The following SGSM1 variants were observed in gnomAD, a reference collection of about 807,000 sequenced individuals.
SGSM1 encodes small G protein signaling modulator 1.
In SGSM1, 73 loss-of-function variants were observed where a neutral mutation model predicts 133.8. The ratio of observed to expected loss-of-function variants is 0.55; its 90% CI spans 0.45 to 0.66. The LOEUF is 0.66. Ranked by LOEUF, SGSM1 falls within the 30% of genes least tolerant of loss-of-function variation. The probability of loss-of-function intolerance (pLI) is 0.00; values close to 1 mark genes in which losing one functional copy is unlikely to be tolerated. For missense variants in SGSM1, 1,213 were observed against 1,448.1 expected, an observed-to-expected ratio of 0.84 and a Z score of 2.64; for synonymous variants, 563 against 573.0, an observed-to-expected ratio of 0.98 and a Z score of 0.25.
chr22:24,901,961 G>T lies in SGSM1; in HGVS notation c.2735+4G>T. The T allele has an allele frequency of 1.3e-6, 2 of 1,562,266 alleles. No homozygotes were observed. Among genetic ancestry groups the T allele is most frequent in the Non-Finnish European group, 1.7e-6 (2 of 1,153,832 alleles). On this transcript the variant is annotated splice_donor_region_variant and intron_variant, in intron 20 of 24. Coordinates refer to ENST00000400358, the MANE Select transcript of SGSM1 (RefSeq NM_001098497.3). Reference sequence around the variant, plus strand: ...AGCTGCGTAACATCATGTGCAGGTGGCTGGGGACAGCGAGGGGATCTAGGG... The same window carrying T: ...AGCTGCGTAACATCATGTGCAGGTGTCTGGGGACAGCGAGGGGATCTAGGG...
At chr22:24,854,964 A>G (rs368564975) in intron 5 of SGSM1, 32 bp from the exon 6 acceptor site, 4 of 1,595,374 alleles carry the variant, frequency 2.5e-6, no homozygotes, top group Non-Finnish European at 3.4e-6. Context: ...GCTGGTCTCC[A>G]TCCAAACCTG....
intron 18 of SGSM1, among the ~76,000 whole-genome samples, chr22:24,897,713 C>T (rs1932954916): frequency 6.6e-6 from 1 of 152,232 alleles, no homozygotes; most frequent in Non-Finnish European, 1.5e-5. Context: ...AAGCAGTCCA[C>T]CTGCCTTGGC....
At chr22:24,848,236 T>C (rs1930266340) in intron 4 of SGSM1, among the ~76,000 whole-genome samples, 2 of 151,570 alleles carry the variant, frequency 1.3e-5, no homozygotes, top group African/African-American at 4.9e-5. Flanking sequence ...CGGGCCAGTG[T>C]CTAGCACCTG....
Position 24,898,329 on chromosome 22 carries a change from G to C in SGSM1, c.2380G>C (p.Glu794Gln). 6.2e-7 allele frequency: 1 copy of C among 1,613,944 alleles called. No homozygotes were observed. Among genetic ancestry groups the C allele is most frequent in the South Asian group, 1.1e-5 (1 of 91,068 alleles). The change falls in exon 19 of 25, where the codon GAG becomes CAG. Residue 794 changes from glutamate (E) to glutamine (Q), a missense_variant. Glu to Gln is a conservative substitution (Grantham distance 29, BLOSUM62 2). Transcript: ENST00000400358. ...CCTCCTGGCCAACGAGAGCATGGACGAGTTCATGTCCATCACGGGCAGCCT... is the reference window on the plus strand; with the variant it reads ...CCTCCTGGCCAACGAGAGCATGGACCAGTTCATGTCCATCACGGGCAGCCT... ...SDLLANESMD[E>Q]FMSITGSLDM...
rs763200983 is a variant in SGSM1, at chr22:24,917,735, C to A, written c.3006C>A (p.Phe1002Leu). ...ACTTCTACTTCTGCTACCGCTGGTTCCTGCTGGATTTCAAGCGAGGTACAG... is the reference window on the plus strand; with the variant it reads ...ACTTCTACTTCTGCTACCGCTGGTTACTGCTGGATTTCAAGCGAGGTACAG... Reference protein sequence around the residue: ...YTHFYFCYRWFLLDFKRELVY... With the variant: ...YTHFYFCYRWLLLDFKRELVY... Residue 1002 changes from phenylalanine to leucine, a missense_variant, in exon 23 of 25, where the codon TTC (phenylalanine) becomes TTA (leucine). Phe to Leu is a conservative substitution (Grantham distance 22). Transcript: ENST00000400358. The A allele has an allele frequency of 3.1e-6, 5 of 1,613,694 alleles. No homozygotes were observed. The African/African-American group carries it at 6.7e-5, about 22-fold the overall frequency.
intron 3 of SGSM1, 23 bp downstream of exon 3, chr22:24,844,995 T>A (rs983829818): frequency 1.5e-5 from 24 of 1,611,858 alleles, no homozygotes; most frequent in Non-Finnish European, 2.0e-5. Context: ...CCTGGGAAAG[T>A]GGCTTCTTTC....
At chr22:24,822,562 G>A (rs1297904851) in intron 2 of SGSM1, among the ~76,000 whole-genome samples, 6 of 152,178 alleles carry the variant, frequency 3.9e-5, no homozygotes, top group Admixed American at 6.5e-5. Flanking sequence ...TTATCACCAC[G>A]ATTCCTCTTG....
intron 2 of SGSM1, among the ~76,000 whole-genome samples, chr22:24,834,850 G>A (rs780300616): frequency 2.0e-5 from 3 of 151,544 alleles, no homozygotes; most frequent in Non-Finnish European, 4.4e-5. Context: ...GTCAGGCCTG[G>A]CCCTGGATCT....
intron 21 of SGSM1, among the ~76,000 whole-genome samples, chr22:24,910,669 G>A (rs1282536724): frequency 6.6e-6 from 1 of 151,928 alleles, no homozygotes; most frequent in Non-Finnish European, 1.5e-5. Flanking sequence ...ATAAGTCCAG[G>A]CCCAGTAGCT....
At chr22:24,876,824 C>A in intron 13 of SGSM1, 109 bp downstream of exon 13, 1 of 1,421,444 alleles carries the variant, frequency 7.0e-7, no homozygotes, top group Non-Finnish European at 9.6e-7. Context: ...AACCTGCGGA[C>A]TCAGGCAGAT....
intron 2 of SGSM1, among the ~76,000 whole-genome samples, chr22:24,841,135 C>A (rs1422790862): frequency 6.6e-6 from 1 of 152,208 alleles, no homozygotes; most frequent in East Asian, 1.9e-4. Context: ...CAGGCGTGAG[C>A]CACCGTGCCC....
chr22:24,893,628 G>A lies in SGSM1; in HGVS notation c.1953+15G>A, dbSNP rs1352329948. 1.3e-6 allele frequency: 2 copies of A among 1,543,828 alleles called. No homozygotes were observed. Among genetic ancestry groups the A allele is most frequent in the African/African-American group, 1.4e-5 (1 of 73,058 alleles). ...TCAGCAATGAGGTGATGGGCGGCTG[G>A]CCTCGGGGAGCGCGGGGGCTGGGGA... On this transcript the variant is annotated intron_variant, in intron 17 of 24. Transcript: ENST00000400358.
intron 8 of SGSM1, among the ~76,000 whole-genome samples, chr22:24,859,254 G>T (rs937486848): frequency 6.6e-6 from 1 of 152,038 alleles, no homozygotes; most frequent in African/African-American, 2.4e-5. Context: ...ACTGGGCGGG[G>T]AGTGTAGGGG....
At position 24,879,474 on chromosome 22, in the gene SGSM1, A is replaced by C. The variant is rs1471142431; in HGVS notation, c.1443A>C (p.Lys481Asn). The change falls in exon 14 of 25, where the codon AAA becomes AAC. Residue 481 changes from lysine (K) to asparagine (N), a missense_variant. Lys to Asn is a moderately conservative substitution (Grantham distance 94, BLOSUM62 0). Transcript: ENST00000400358. ...NGCNHERAPL[K>N]LLCDNMKYQI... is the part of the protein sequence containing the mutation. The stretch of plus-strand genomic sequence containing the variant: ...TCTCCACCTGCAGGGCTCCCCTGAA[A>C]CTTCTCTGTGACAATATGAAGTACC... 6.2e-7 allele frequency: 1 copy of C among 1,613,644 alleles called. No individual in the cohort carries two copies. The highest frequency in any genetic ancestry group is 1.3e-5 in the African/African-American group (1 of 74,908).
intron 16 of SGSM1, among the ~76,000 whole-genome samples, chr22:24,889,654 AT>A (rs201034986): frequency 9.2e-4 from 124 of 134,166 alleles, no homozygotes; most frequent in Middle Eastern, 4.2e-3. Context: ...CCTTAAATTG[AT>A]TTTTTTTTTT....
intron 12 of SGSM1, among the ~76,000 whole-genome samples, chr22:24,869,755 C>T (rs1931673838): frequency 6.6e-6 from 1 of 152,168 alleles, no homozygotes. Flanking sequence ...CAGGCACTGG[C>T]ACATGAGATG....
chr22:24,905,205 G>A lies in SGSM1; in HGVS notation c.2818+18G>A, dbSNP rs185961527. On this transcript the variant is annotated intron_variant, in intron 21 of 24. Coordinates refer to ENST00000400358, the MANE Select transcript of SGSM1 (RefSeq NM_001098497.3). ...GGATGATGGTGAGTGTGTCTTTACTGCCCTAGGGCTGAGGGTGCATTTCCT... is the reference window on the plus strand; with the variant it reads ...GGATGATGGTGAGTGTGTCTTTACTACCCTAGGGCTGAGGGTGCATTTCCT... 2.0e-3 allele frequency: 3,164 copies of A among 1,610,876 alleles called. 1 individual carries two copies. The highest frequency in any genetic ancestry group is 2.4e-3 in the Non-Finnish European group (2,796 of 1,177,030).
chr22:24,891,992 G>A (rs1232569739), intron 16 of SGSM1, among the ~76,000 whole-genome samples: 3 of 152,086 alleles, frequency 2.0e-5, no homozygotes, highest in Non-Finnish European at 4.4e-5. Flanking sequence ...GTAGGATGGT[G>A]GAGGCAGCAG....
chr22:24,891,900 C>T (rs1363107590), intron 16 of SGSM1, among the ~76,000 whole-genome samples: 2 of 151,834 alleles, frequency 1.3e-5, no homozygotes, highest in African/African-American at 2.4e-5. Flanking sequence ...GGGAGACCAG[C>T]GTGGTGTGGT....
Sources: gnomAD v4.1 joint callset for allele counts (sites outside exome capture counted in the v4.1 genomes callset) on GRCh38, gnomAD v4.1.1 for gene constraint, MANE v1.5 for transcripts, NCBI Gene and HGNC (gene_info 2026-07-23, HGNC 2026-07-21) for gene names.